The following VCAN variants were observed in gnomAD, a reference collection of about 807,000 sequenced individuals.
VCAN encodes versican core protein.
VCAN carries 44 observed loss-of-function variants against 245.5 expected under a neutral mutation model. The ratio of observed to expected loss-of-function variants is 0.18; its 90% CI spans 0.14 to 0.23. The LOEUF is 0.23. Among genes scored for constraint, VCAN ranks in the 10% least tolerant of loss-of-function variants. The probability of loss-of-function intolerance (pLI) is 1.00; values close to 1 mark genes in which losing one functional copy is unlikely to be tolerated. For synonymous variants in VCAN, 1,413 were observed against 1,437.0 expected, an observed-to-expected ratio of 0.98 and a Z score of 0.38; for missense variants, 3,793 against 4,057.9, an observed-to-expected ratio of 0.93 and a Z score of 1.77.
At position 83,541,127 on chromosome 5, in the gene VCAN, A is replaced by G. The variant is rs766882763; in HGVS notation, c.8124A>G (p.Gly2708=). 24 of 1,614,154 alleles carry G rather than the reference A, an allele frequency of 1.5e-5. No homozygotes were observed. The highest frequency in any genetic ancestry group is 1.6e-5 in the Non-Finnish European group (19 of 1,180,006). ...CCACAGTTATTCCAGAGATTGAAGG[A>G]ATAAAAGCTGAAGCAAAAGCCCTGG... is the stretch of plus-strand genomic sequence containing the variant. ...KSATVIPEIE[G]IKAEAKALDD... is the part of the protein sequence containing the mutation. The change falls in exon 8 of 15, where the codon GGA becomes GGG. Residue 2708 remains glycine, a synonymous_variant. Coordinates refer to ENST00000265077, the MANE Select transcript of VCAN (RefSeq NM_004385.5).
chr5:83,500,672 C>T (rs1745305238), intron 5 of VCAN, among the ~76,000 whole-genome samples: 1 of 152,158 alleles, frequency 6.6e-6, no homozygotes, highest in Non-Finnish European at 1.5e-5. Context: ...CTGCCATAAA[C>T]TCACAGGGCC....
intron 12 of VCAN, among the ~76,000 whole-genome samples, chr5:83,566,406 A>G (rs1370204556): frequency 6.6e-6 from 1 of 152,152 alleles, no homozygotes; most frequent in Non-Finnish European, 1.5e-5. Flanking sequence ...ATTTTAGGTC[A>G]TTGATCATGG....
At chr5:83,509,753 C>T (rs998661686) in intron 5 of VCAN, among the ~76,000 whole-genome samples, 3 of 152,188 alleles carry the variant, frequency 2.0e-5, no homozygotes, top group African/African-American at 4.8e-5. Flanking sequence ...TTTCAGGCCT[C>T]AGGCAAGTGT....
chr5:83,475,552 G>T (rs1744358677), intron 1 of VCAN, among the ~76,000 whole-genome samples: 1 of 152,206 alleles, frequency 6.6e-6, no homozygotes, highest in South Asian at 2.1e-4. Flanking sequence ...GCAACAATTA[G>T]TGTTCTGAGA....
At chr5:83,578,482 A>C (rs1748556412) in intron 13 of VCAN, among the ~76,000 whole-genome samples, 1 of 152,028 alleles carries the variant, frequency 6.6e-6, no homozygotes, top group Admixed American at 6.6e-5. Context: ...TGAACTTAAA[A>C]GTTAAAAAAA....
intron 11 of VCAN, among the ~76,000 whole-genome samples, chr5:83,554,522 G>A (rs1222957060): frequency 6.6e-6 from 1 of 152,004 alleles, no homozygotes; most frequent in Non-Finnish European, 1.5e-5. Flanking sequence ...TGAAAAAAAG[G>A]AACAAGTGGC....
intron 5 of VCAN, among the ~76,000 whole-genome samples, chr5:83,499,188 A>G (rs1745256832): frequency 6.6e-6 from 1 of 151,800 alleles, no homozygotes; most frequent in Non-Finnish European, 1.5e-5. Context: ...TTGACTCTGA[A>G]CTTCTACTTT....
chr5:83,543,096 A>G (rs1168689144), intron 8 of VCAN, among the ~76,000 whole-genome samples: 1 of 152,222 alleles, frequency 6.6e-6, no homozygotes, highest in Admixed American at 6.6e-5. Context: ...TCTAAAGTCC[A>G]TAGTCTTTTC....
At chr5:83,566,798 T>C (rs954694755) in intron 12 of VCAN, among the ~76,000 whole-genome samples, 5 of 152,204 alleles carry the variant, frequency 3.3e-5, no homozygotes, top group African/African-American at 1.2e-4. Context: ...TTCTCTTTTG[T>C]GTTATTGTGA....
In VCAN at chr5:83,575,086, T is replaced by G. The variant is rs560868345; in HGVS notation, c.9880+2526T>G. ...GTACACATGTAAAATATAAACCTAT[T>G]TGATTAATTTGTCTTTGAATACAAA... On this transcript the variant is annotated intron_variant, in intron 13 of 14. Transcript: ENST00000265077. 2.6e-5 allele frequency among the ~76,000 whole-genome samples: 4 copies of G among 152,314 alleles called. No homozygotes were observed. The South Asian group carries it at 8.3e-4, about 32-fold the overall frequency.
At chr5:83,545,751 T>A (rs571806494) in intron 9 of VCAN, 101 bp downstream of exon 9, 2 of 955,730 alleles carry the variant, frequency 2.1e-6, no homozygotes, top group Non-Finnish European at 3.4e-6. Context: ...AAGAAACCCA[T>A]ATGAAGATTA....
At position 83,546,281 on chromosome 5, in the gene VCAN, A is replaced by T. The variant is rs1384805671; in HGVS notation, c.9379+631A>T. On this transcript the variant is annotated intron_variant, in intron 9 of 14. Transcript: ENST00000265077. Reference sequence around the variant, plus strand: ...CACCAGTGTTGATTTGGCTACATATAGACCTCACTTCTGAGAAAAGAATGA... The same window carrying T: ...CACCAGTGTTGATTTGGCTACATATTGACCTCACTTCTGAGAAAAGAATGA... Among the ~76,000 whole-genome samples the T allele has an allele frequency of 2.0e-5, 3 of 151,882 alleles. No homozygotes were observed. The East Asian group carries it at 5.8e-4, about 29-fold the overall frequency.
intron 6 of VCAN, among the ~76,000 whole-genome samples, chr5:83,514,351 G>A (rs967900371): frequency 6.6e-6 from 1 of 151,730 alleles, no homozygotes; most frequent in Non-Finnish European, 1.5e-5. Context: ...CCATATAGAA[G>A]CCTTTCTTAA....
rs760052630 is a variant in VCAN at position 83,572,434 on chromosome 5, C to A, written c.9754C>A (p.Pro3252Thr). Residue 3252 changes from proline to threonine, a missense_variant, in exon 13 of 15, where the codon CCC (proline) becomes ACC (threonine). Pro to Thr is a conservative substitution (Grantham distance 38, BLOSUM62 -1). This residue lies in a region of VCAN where 205 missense variants were observed against 321.1 expected (regional missense o/e 0.64). Coordinates refer to ENST00000265077, the MANE Select transcript of VCAN (RefSeq NM_004385.5). Reference protein sequence around the residue: ...GSTLQYENWRPNQPDSFFSAG... With the variant: ...GSTLQYENWRTNQPDSFFSAG... ...TTTACAGCAATACGAGAATTGGAGA[C>A]CCAACCAGCCAGACAGCTTCTTTTC... The A allele has an allele frequency of 6.2e-7, 1 of 1,613,874 alleles. No individual in the cohort carries two copies. Among genetic ancestry groups the A allele is most frequent in the South Asian group, 1.1e-5 (1 of 91,080 alleles).
Position 83,537,688 on chromosome 5 carries a change from T to G in VCAN, c.4685T>G (p.Phe1562Cys), listed in dbSNP as rs751419181. 1.2e-6 allele frequency: 2 copies of G among 1,613,880 alleles called. No individual in the cohort carries two copies. The highest frequency in any genetic ancestry group is 2.2e-5 in the South Asian group (2 of 91,082). Reference sequence around the variant, plus strand: ...GACCAAGAATCTCAGAAAATAGCCTTTGCAAGGGCTACAGAAGTAACATTT... The same window carrying G: ...GACCAAGAATCTCAGAAAATAGCCTGTGCAAGGGCTACAGAAGTAACATTT... The part of the protein sequence containing the change: ...AIDQESQKIA[F>C]ARATEVTFGE... The change falls in exon 8 of 15, where the codon TTT becomes TGT. Residue 1562 changes from phenylalanine (F) to cysteine (C), a missense_variant. By Grantham distance (205) the Phe-to-Cys change is radical. Coordinates refer to ENST00000265077, the MANE Select transcript of VCAN (RefSeq NM_004385.5).
chr5:83,535,376 G>A lies in VCAN; in HGVS notation c.4004-1631G>A, dbSNP rs1746665960. Among the ~76,000 whole-genome samples, 8 of 152,166 alleles carry A rather than the reference G, an allele frequency of 5.3e-5. No individual in the cohort carries two copies. In the South Asian group the frequency reaches 1.7e-3, roughly 32 times the overall value. ...TTTAGTGAAATAATTTAGTGAAGAT[G>A]TGGTGGGATACAAAAGAGAGTTTTC... On this transcript the variant is annotated intron_variant, in intron 7 of 14. Transcript: ENST00000265077.
At chr5:83,487,828 A>G (rs1049093982) in intron 2 of VCAN, among the ~76,000 whole-genome samples, 1 of 152,156 alleles carries the variant, frequency 6.6e-6, no homozygotes, top group Non-Finnish European at 1.5e-5. Context: ...AAACCTCCCT[A>G]TTGGATAGAT....
chr5:83,506,145 C>A (rs1431458973), intron 5 of VCAN, among the ~76,000 whole-genome samples: 2 of 152,178 alleles, frequency 1.3e-5, no homozygotes, highest in African/African-American at 2.4e-5. Flanking sequence ...TATCCACGGT[C>A]TTGGGGATTA....
intron 13 of VCAN, among the ~76,000 whole-genome samples, chr5:83,574,783 T>C (rs924593357): frequency 6.6e-6 from 1 of 152,174 alleles, no homozygotes; most frequent in Non-Finnish European, 1.5e-5. Flanking sequence ...ATATCTGTAG[T>C]TGAATATTTA....
Sources: allele counts gnomAD v4.1 joint callset (sites outside exome capture counted in the v4.1 genomes callset), GRCh38; gene constraint gnomAD v4.1.1; regional missense constraint gnomAD v4.1.1; transcripts MANE v1.5; gene names NCBI Gene and HGNC (gene_info 2026-07-23, HGNC 2026-07-21).